The following ARHGAP44 variants were observed in gnomAD, a reference collection of about 807,000 sequenced individuals.
The protein encoded by ARHGAP44 is rho GTPase-activating protein 44.
A neutral mutation model predicts 106.8 loss-of-function variants in ARHGAP44; 43 were observed. The observed-to-expected ratio is 0.40, with a 90% CI of 0.32 to 0.52. ARHGAP44 has a LOEUF of 0.52. Ranked by LOEUF, ARHGAP44 falls within the 20% of genes least tolerant of loss-of-function variation. The pLI is 0.48. For missense variants in ARHGAP44, 866 were observed against 1,050.5 expected (o/e 0.82, Z 2.43); for synonymous variants, 439 against 410.3 (o/e 1.07, Z -0.85).
chr17:12,929,093 C>T, intron 7 of ARHGAP44, 47 bp downstream of exon 7: 1 of 1,518,816 alleles, frequency 6.6e-7, no homozygotes, highest in Non-Finnish European at 9.0e-7. Flanking sequence ...CTGGGGAGCC[C>T]TCAGGGATTC....
intron 1 of ARHGAP44, among the ~76,000 whole-genome samples, chr17:12,892,784 A>G (rs894372316): frequency 4.5e-5 from 6 of 133,586 alleles, no homozygotes; most frequent in Admixed American, 2.2e-4. Context: ...TGTTGAACCC[A>G]TCAACTGAGT....
intron 1 of ARHGAP44, among the ~76,000 whole-genome samples, chr17:12,813,661 T>A (rs868509274): frequency 6.6e-6 from 1 of 152,178 alleles, no homozygotes; most frequent in African/African-American, 2.4e-5. Flanking sequence ...GGATGCTCAG[T>A]AACAGGAATG....
chr17:12,806,051 G>T (rs2034264464), intron 1 of ARHGAP44, among the ~76,000 whole-genome samples: 1 of 152,178 alleles, frequency 6.6e-6, no homozygotes, highest in Non-Finnish European at 1.5e-5. Context: ...TAGCAGAGGG[G>T]GTATAAGTCC....
Position 12,974,314 on chromosome 17 carries a change from A to G in ARHGAP44, c.1763+4A>G. ...AGCCTGGGCCCGAGCGCACCAGGTA[A>G]GCGCGGGCCACTGCCGTCCGGGCGG... On this transcript the variant is annotated splice_donor_region_variant and intron_variant, in intron 18 of 20. Transcript: ENST00000379672. 7.1e-7 allele frequency: 1 copy of G among 1,405,204 alleles called. No individual in the cohort carries two copies. The highest frequency in any genetic ancestry group is 9.2e-7 in the Non-Finnish European group (1 of 1,086,940). The allele number at this position is 1,405,204 out of a possible 1,614,324, so 87.0% of individuals were successfully genotyped here.
At chr17:12,842,690 G>C (rs2035452095) in intron 1 of ARHGAP44, among the ~76,000 whole-genome samples, 1 of 152,196 alleles carries the variant, frequency 6.6e-6, no homozygotes, top group Non-Finnish European at 1.5e-5. Flanking sequence ...CTAGCTGCTA[G>C]CATGTGATGT....
At chr17:12,955,585 GT>G (rs1214333345) in intron 13 of ARHGAP44, among the ~76,000 whole-genome samples, 1 of 152,142 alleles carries the variant, frequency 6.6e-6, no homozygotes, top group Non-Finnish European at 1.5e-5. Flanking sequence ...GGCACTTCAG[GT>G]CATTATATAC....
rs1003124919 is a variant in ARHGAP44 at position 12,916,557 on chromosome 17, A to G, written c.387+546A>G. 3.9e-5 allele frequency among the ~76,000 whole-genome samples: 6 copies of G among 152,006 alleles called. No homozygotes were observed. In the East Asian group the frequency reaches 9.7e-4, roughly 25 times the overall value. On this transcript the variant is annotated intron_variant, in intron 5 of 20. Coordinates refer to ENST00000379672, the MANE Select transcript of ARHGAP44 (RefSeq NM_014859.6). ...CCACCACCATGCCCATTTAATTATT[A>G]TATTTTTAGTAGAGACGGGGTTTCA...
chr17:12,832,060 C>A (rs747094896), intron 1 of ARHGAP44, among the ~76,000 whole-genome samples: 2 of 152,112 alleles, frequency 1.3e-5, no homozygotes, highest in African/African-American at 2.4e-5. Context: ...TTGCCCACTG[C>A]CCAGAAAGAG....
chr17:12,934,908 A>G (rs550636610), intron 7 of ARHGAP44, among the ~76,000 whole-genome samples: 22 of 152,306 alleles, frequency 1.4e-4, no homozygotes, highest in Middle Eastern at 6.8e-3. Context: ...CAGATCATTT[A>G]CCTAACATGG....
chr17:12,942,601 G>A (rs1469697274), intron 8 of ARHGAP44, among the ~76,000 whole-genome samples: 2 of 151,976 alleles, frequency 1.3e-5, no homozygotes, highest in African/African-American at 2.4e-5. Flanking sequence ...ATTGTCATTC[G>A]GATACCATTT....
intron 1 of ARHGAP44, among the ~76,000 whole-genome samples, chr17:12,891,392 G>A (rs901985977): frequency 6.6e-6 from 1 of 152,230 alleles, no homozygotes; most frequent in Non-Finnish European, 1.5e-5. Flanking sequence ...GGAGGAGCTA[G>A]CGTCTGGCAA....
rs1450392233 is a variant in ARHGAP44 at position 12,953,326 on chromosome 17, C to T, written c.1136+745C>T. 3.3e-5 allele frequency among the ~76,000 whole-genome samples: 5 copies of T among 152,222 alleles called. No homozygotes were observed. In the South Asian group the frequency reaches 8.3e-4, roughly 25 times the overall value. On this transcript the variant is annotated intron_variant, in intron 13 of 20. Coordinates refer to ENST00000379672, the MANE Select transcript of ARHGAP44 (RefSeq NM_014859.6). ...TGCTTCACACTCTGCTTCTTTACCGCTTTGTCTTGCCAGCACCCATCCCGG... is the reference window on the plus strand; with the variant it reads ...TGCTTCACACTCTGCTTCTTTACCGTTTTGTCTTGCCAGCACCCATCCCGG...
intron 1 of ARHGAP44, among the ~76,000 whole-genome samples, chr17:12,892,389 G>C (rs1169021115): frequency 6.6e-6 from 1 of 151,884 alleles, no homozygotes; most frequent in Non-Finnish European, 1.5e-5. Context: ...GTTCTTAGAA[G>C]TTTGACCATG....
intron 1 of ARHGAP44, among the ~76,000 whole-genome samples, chr17:12,845,210 T>C (rs1426368972): frequency 7.6e-6 from 1 of 131,006 alleles, no homozygotes; most frequent in Non-Finnish European, 1.5e-5. Context: ...GTTCATTTAC[T>C]TTAAAAAAAA....
chr17:12,814,181 C>A (rs2034523746), intron 1 of ARHGAP44, among the ~76,000 whole-genome samples: 1 of 151,354 alleles, frequency 6.6e-6, no homozygotes, highest in Non-Finnish European at 1.5e-5. Flanking sequence ...TGGTGGGGGG[C>A]CTGCCAGGTC....
chr17:12,987,127 G>A (rs2039980587), intron 20 of ARHGAP44: 1 of 1,528,428 alleles, frequency 6.5e-7, no homozygotes, highest in Non-Finnish European at 8.7e-7. Context: ...GCGCAGTTTT[G>A]GATACGTGTG....
chr17:12,961,863 C>G (rs1016410246), intron 16 of ARHGAP44, among the ~76,000 whole-genome samples: 16 of 152,112 alleles, frequency 1.1e-4, no homozygotes, highest in South Asian at 4.1e-4. Flanking sequence ...CAGTTCTTAC[C>G]TGACCTTAAA....
intron 1 of ARHGAP44, among the ~76,000 whole-genome samples, chr17:12,812,507 T>C (rs1295981487): frequency 6.6e-6 from 1 of 152,200 alleles, no homozygotes; most frequent in Admixed American, 6.5e-5. Flanking sequence ...AAATAGATTG[T>C]GAGACATCTA....
intron 16 of ARHGAP44, among the ~76,000 whole-genome samples, chr17:12,963,740 G>T (rs1280279656): frequency 7.6e-6 from 1 of 131,888 alleles, no homozygotes; most frequent in Non-Finnish European, 1.7e-5. Flanking sequence ...GCGAAGCCCT[G>T]CCAGAACTCT....
Sources: gnomAD v4.1 joint callset for allele counts (sites outside exome capture counted in the v4.1 genomes callset) on GRCh38, gnomAD v4.1.1 for gene constraint, MANE v1.5 for transcripts, NCBI Gene and HGNC (gene_info 2026-07-23, HGNC 2026-07-21) for gene names.